Variants in LINGO2 observed in about 807,000 individuals in gnomAD.
LINGO2 encodes the protein leucine rich repeat and Ig domain containing 2, also known as leucine-rich repeat and immunoglobulin-like domain-containing nogo receptor-interacting protein 2.
Under a neutral mutation model 30.6 loss-of-function variants are expected in LINGO2, and 14 were observed. That is an observed-to-expected ratio of 0.46 (90% CI 0.30 to 0.72). The LOEUF (loss-of-function observed/expected upper bound fraction) is 0.72, where lower values mean the gene tolerates loss of function less well. Ranked by LOEUF, LINGO2 falls within the 30% of genes least tolerant of loss-of-function variation. LINGO2 has a pLI of 0.07. For missense variants in LINGO2, 729 were observed against 751.7 expected (o/e 0.97, Z 0.35); for synonymous variants, 317 against 288.5 (o/e 1.10, Z -1.00).
the LINGO2 span, among the ~76,000 whole-genome samples, chr9:29,077,125 T>A: frequency 3.3e-5 from 5 of 152,208 alleles, no homozygotes; most frequent in South Asian, 2.1e-4. Flanking sequence ...CTTATTTTTT[T>A]AAAAACTACC....
chr9:28,061,938 A>G (rs1261710029), intron 4 of LINGO2, among the ~76,000 whole-genome samples: 1 of 152,114 alleles, frequency 6.6e-6, no homozygotes. Flanking sequence ...CATTTTTCAC[A>G]GTGCCTGGCA....
At chr9:28,688,175 C>T in the LINGO2 span, among the ~76,000 whole-genome samples, 44 of 152,276 alleles carry the variant, frequency 2.9e-4, no homozygotes, top group African/African-American at 9.9e-4. Flanking sequence ...GGCAGAAATA[C>T]ATTACCTCTG....
At chr9:28,565,651 A>C (rs1310219820) in intron 1 of LINGO2, among the ~76,000 whole-genome samples, 5 of 151,376 alleles carry the variant, frequency 3.3e-5, no homozygotes, top group African/African-American at 7.3e-5. Context: ...TTCCGGGTTC[A>C]TGCCATTCTC....
At chr9:28,717,448 A>G in the LINGO2 span, among the ~76,000 whole-genome samples, 3 of 152,046 alleles carry the variant, frequency 2.0e-5, no homozygotes, top group Non-Finnish European at 2.9e-5. Context: ...GGGGTGAGGT[A>G]AGTGGAGATA....
the LINGO2 span, among the ~76,000 whole-genome samples, chr9:29,098,104 AT>A: frequency 6.6e-6 from 1 of 152,162 alleles, no homozygotes; most frequent in Non-Finnish European, 1.5e-5. Flanking sequence ...GATCTATATA[AT>A]TTATCTAGCA....
intron 2 of LINGO2, among the ~76,000 whole-genome samples, 175 bp downstream of exon 4, chr9:28,475,765 T>A (rs1252076788): frequency 6.6e-6 from 1 of 152,174 alleles, no homozygotes; most frequent in Non-Finnish European, 1.5e-5. Context: ...TATAAAAAAA[T>A]GTGGTCAAGT....
At chr9:28,631,729 AC>A (rs1255112156) in intron 1 of LINGO2, among the ~76,000 whole-genome samples, 1 of 152,088 alleles carries the variant, frequency 6.6e-6, no homozygotes, top group African/African-American at 2.4e-5. Context: ...GCCGCCTTAT[AC>A]CTATGACAGT....
chr9:28,848,412 T>TAC, the LINGO2 span, among the ~76,000 whole-genome samples: 1 of 132,324 alleles, frequency 7.6e-6, no homozygotes, highest in African/African-American at 2.8e-5. Context: ...TATATATATA[T>TAC]ATATATATAT....
chr9:28,637,082 C>A (rs539486108), intron 1 of LINGO2, among the ~76,000 whole-genome samples: 60 of 152,238 alleles, frequency 3.9e-4, no homozygotes, highest in African/African-American at 1.3e-3. Context: ...ATAGGCAATC[C>A]TTTCCCCATT....
the LINGO2 span, among the ~76,000 whole-genome samples, chr9:28,771,343 C>G: frequency 6.6e-6 from 1 of 151,028 alleles, no homozygotes; most frequent in Non-Finnish European, 1.5e-5. Flanking sequence ...GCTCTGTTTT[C>G]CTCTAGAATT....
At chr9:28,775,032 A>G in the LINGO2 span, among the ~76,000 whole-genome samples, 1 of 152,102 alleles carries the variant, frequency 6.6e-6, no homozygotes, top group African/African-American at 2.4e-5. Context: ...AACAGAGTCA[A>G]CTGGAAGAAG....
At chr9:28,122,155 G>T (rs1827113940) in intron 4 of LINGO2, among the ~76,000 whole-genome samples, 1 of 152,116 alleles carries the variant, frequency 6.6e-6, no homozygotes, top group Admixed American at 6.5e-5. Context: ...ACATAGGAAA[G>T]CTTAAAACGA....
chr9:29,199,507 T>C, the LINGO2 span, among the ~76,000 whole-genome samples: 1 of 152,088 alleles, frequency 6.6e-6, no homozygotes, highest in Admixed American at 6.6e-5. Context: ...TTCTGAGGCT[T>C]AACCCTAGAA....
the LINGO2 span, among the ~76,000 whole-genome samples, chr9:29,178,308 C>T: frequency 3.9e-5 from 6 of 151,934 alleles, no homozygotes; most frequent in East Asian, 1.9e-4. Flanking sequence ...TGCCCACCTC[C>T]GCCTCCCAAA....
chr9:28,533,729 T>G (rs1250236638), intron 1 of LINGO2, among the ~76,000 whole-genome samples: 1 of 152,124 alleles, frequency 6.6e-6, no homozygotes, highest in Non-Finnish European at 1.5e-5. Flanking sequence ...TTGAATCTAG[T>G]GGGAGTTTAG....
intron 4 of LINGO2, among the ~76,000 whole-genome samples, chr9:28,202,434 A>T (rs1820270268): frequency 6.6e-6 from 1 of 151,930 alleles, no homozygotes; most frequent in Admixed American, 6.6e-5. Context: ...TACCAGCCAT[A>T]CCTCCCTGAA....
intron 5 of LINGO2, among the ~76,000 whole-genome samples, chr9:28,004,419 AG>A (rs1401639742): frequency 6.6e-5 from 10 of 152,224 alleles, no homozygotes; most frequent in African/African-American, 2.2e-4. Flanking sequence ...GCTCAATAAA[AG>A]TTAATTGAAT....
the LINGO2 span, among the ~76,000 whole-genome samples, chr9:29,046,800 C>T: frequency 2.0e-5 from 3 of 151,832 alleles, no homozygotes; most frequent in Admixed American, 6.6e-5. Flanking sequence ...AACAGAGGGC[C>T]GGGCATGGTG....
chr9:28,190,106 C>T (rs576625934), intron 4 of LINGO2, among the ~76,000 whole-genome samples: 3 of 152,150 alleles, frequency 2.0e-5, no homozygotes, highest in African/African-American at 7.2e-5. Context: ...GTGGTATGGC[C>T]AAGACAGCCA....
Sources: gnomAD v4.1 joint callset for allele counts (sites outside exome capture counted in the v4.1 genomes callset) on GRCh38, gnomAD v4.1.1 for gene constraint, MANE v1.5 for transcripts, NCBI Gene and HGNC (gene_info 2026-07-23, HGNC 2026-07-21) for gene names.